NINL: variants seen among roughly 807,000 people sequenced by gnomAD.
The protein encoded by NINL is ninein like, also known as ninein-like protein.
Under a neutral mutation model 160.3 loss-of-function variants are expected in NINL, and 153 were observed. That is an observed-to-expected ratio of 0.95 (90% CI 0.84 to 1.09). NINL has a LOEUF of 1.09. Among genes scored for constraint, NINL ranks in the 50% least tolerant of loss-of-function variants. The probability of loss-of-function intolerance (pLI) is 0.00; values close to 1 mark genes in which losing one functional copy is unlikely to be tolerated. For synonymous variants in NINL, 800 were observed against 734.8 expected (o/e 1.09, Z -1.43); for missense variants, 1,829 against 1,764.0 (o/e 1.04, Z -0.66).
At chr20:25,499,415 G>A (rs1189985717) in intron 8 of NINL, among the ~76,000 whole-genome samples, 1 of 152,198 alleles carries the variant, frequency 6.6e-6, no homozygotes, top group Non-Finnish European at 1.5e-5. Context: ...AGCGCAAATG[G>A]GAAAGAGAAT....
chr20:25,520,180 C>T lies in NINL; in HGVS notation c.181-2331G>A, dbSNP rs541580982. 1.6e-4 allele frequency among the ~76,000 whole-genome samples: 25 copies of T among 152,082 alleles called. 1 individual carries two copies. The South Asian group carries it at 2.9e-3, about 18-fold the overall frequency. On this transcript the variant is annotated intron_variant, in intron 2 of 23. Transcript: ENST00000278886. Reference sequence around the variant, plus strand: ...TAAGGGTGTGATGGTTACACAGGTGCGCTCAGTTTGGAATATTCACTGACC... The same window carrying T: ...TAAGGGTGTGATGGTTACACAGGTGTGCTCAGTTTGGAATATTCACTGACC...
At chr20:25,520,532 G>C (rs1449593614) in intron 2 of NINL, among the ~76,000 whole-genome samples, 1 of 152,096 alleles carries the variant, frequency 6.6e-6, no homozygotes, top group African/African-American at 2.4e-5. Flanking sequence ...GCTCACTTTT[G>C]GCATATAGTA....
intron 9 of NINL, 135 bp downstream of exon 9, chr20:25,498,075 G>A: frequency 2.8e-6 from 3 of 1,083,776 alleles, no homozygotes; most frequent in East Asian, 2.4e-5. Flanking sequence ...GACAGACAGT[G>A]TGCAGAGCCC....
intron 1 of NINL, among the ~76,000 whole-genome samples, chr20:25,562,170 G>T (rs1808705426): frequency 6.9e-6 from 1 of 145,896 alleles, no homozygotes; most frequent in Admixed American, 6.8e-5. Flanking sequence ...CGGGAGGGAG[G>T]TGGGGGGTCA....
At chr20:25,505,322 G>A (rs2063941746) in intron 5 of NINL, among the ~76,000 whole-genome samples, 1 of 148,948 alleles carries the variant, frequency 6.7e-6, no homozygotes, top group Non-Finnish European at 1.5e-5. Flanking sequence ...CTGGGTGGTG[G>A]GGGAGATGCT....
chr20:25,491,315 C>A, intron 11 of NINL, 36 bp downstream of exon 11: 1 of 1,576,688 alleles, frequency 6.3e-7, no homozygotes, highest in Non-Finnish European at 8.6e-7. Flanking sequence ...CTCAGGCACC[C>A]CCCCAGCTTC....
intron 13 of NINL, among the ~76,000 whole-genome samples, chr20:25,483,344 A>AAAAG (rs1555852550): frequency 6.6e-6 from 1 of 152,194 alleles, no homozygotes; most frequent in East Asian, 1.9e-4. Flanking sequence ...ACAAAAAAAA[A>AAAAG]AAAAGAAAAG....
chr20:25,501,181 C>G (rs1024235844), intron 7 of NINL, among the ~76,000 whole-genome samples, 171 bp from the exon 8 acceptor site: 4 of 152,246 alleles, frequency 2.6e-5, no homozygotes, highest in Admixed American at 6.5e-5. Context: ...ATCACATGAC[C>G]TCTCCAAGGT....
At position 25,453,696 on chromosome 20, in the gene NINL, G is replaced by A. The variant is rs879095524; in HGVS notation, c.3958-54C>T. The A allele has an allele frequency of 5.4e-6, 8 of 1,481,374 alleles. No individual in the cohort carries two copies. The South Asian group carries it at 1.0e-4, about 19-fold the overall frequency. The allele number at this position is 1,481,374 out of a possible 1,614,324, so 91.8% of individuals were successfully genotyped here. The stretch of plus-strand genomic sequence containing the variant: ...ATGAGGCCGGTGGAGAAACGCTACA[G>A]ATCAGCCTGCTCTCTTTTATCCTCC... On this transcript the variant is annotated intron_variant, in intron 23 of 23. Transcript: ENST00000278886.
chr20:25,488,037 A>G (rs563038497), intron 13 of NINL, among the ~76,000 whole-genome samples: 1 of 152,302 alleles, frequency 6.6e-6, no homozygotes, highest in South Asian at 2.1e-4. Context: ...CTTGCATTTA[A>G]AATGTGCCAA....
intron 14 of NINL, among the ~76,000 whole-genome samples, chr20:25,481,426 G>C (rs539975159): frequency 6.6e-6 from 1 of 152,320 alleles, no homozygotes; most frequent in South Asian, 2.1e-4. Context: ...CTTCGATGTG[G>C]GTTCCGGGGA....
intron 1 of NINL, among the ~76,000 whole-genome samples, chr20:25,553,104 GTTTTTTT>G (rs3036846): frequency 1.0e-5 from 1 of 100,120 alleles, no homozygotes; most frequent in South Asian, 3.3e-4. Flanking sequence ...CCCTTGTTGG[GTTTTTTT>G]TTTTTTTTTT....
At chr20:25,483,041 A>C (rs2063428525) in intron 13 of NINL, among the ~76,000 whole-genome samples, 1 of 150,812 alleles carries the variant, frequency 6.6e-6, no homozygotes, top group East Asian at 1.9e-4. Flanking sequence ...AAAAAAATAA[A>C]TAAAGAAAAG....
chr20:25,505,124 T>C (rs766113562), intron 5 of NINL, 46 bp from the exon 6 acceptor site: 2 of 1,479,160 alleles, frequency 1.4e-6, no homozygotes, highest in African/African-American at 2.8e-5. Context: ...ACATACACAA[T>C]GGAGCACGAC....
intron 1 of NINL, among the ~76,000 whole-genome samples, chr20:25,553,592 C>T (rs2064830190): frequency 6.6e-6 from 1 of 152,206 alleles, no homozygotes; most frequent in African/African-American, 2.4e-5. Flanking sequence ...GCTAGGTTAG[C>T]ATGAACACGT....
chr20:25,479,210 A>G lies in NINL; in HGVS notation c.1918-4T>C, dbSNP rs761061367. 1 of 1,598,872 alleles carries G rather than the reference A, an allele frequency of 6.3e-7. No individual in the cohort carries two copies. Among genetic ancestry groups the G allele is most frequent in the South Asian group, 1.1e-5 (1 of 89,880 alleles). ...TTTCCCTTTCGTAGTAATTTACCTA[A>G]AACGAGAAACATGAGCCCCGTGGAC... On this transcript the variant is annotated splice_polypyrimidine_tract_variant and splice_region_variant and intron_variant, in intron 15 of 23. Coordinates refer to ENST00000278886, the MANE Select transcript of NINL (RefSeq NM_025176.6).
At chr20:25,499,036 T>C in intron 8 of NINL, 1 of 985,476 alleles carries the variant, frequency 1.0e-6, no homozygotes, top group South Asian at 4.7e-5. Context: ...TGCTTTCCAC[T>C]TGTGGCTACA....
intron 1 of NINL, among the ~76,000 whole-genome samples, chr20:25,543,491 G>C (rs895064159): frequency 5.3e-5 from 8 of 152,180 alleles, no homozygotes; most frequent in African/African-American, 1.9e-4. Flanking sequence ...CTGGAGGAGG[G>C]AACCTATGGC....
chr20:25,468,074 G>GA (rs926246655), intron 18 of NINL, among the ~76,000 whole-genome samples: 9 of 150,464 alleles, frequency 6.0e-5, no homozygotes, highest in East Asian at 2.0e-4. Flanking sequence ...GCATAATTGG[G>GA]AAAAAAAAAG....
Sources: gnomAD v4.1 joint callset for allele counts (sites outside exome capture counted in the v4.1 genomes callset) on GRCh38, gnomAD v4.1.1 for gene constraint, MANE v1.5 for transcripts, NCBI Gene and HGNC (gene_info 2026-07-23, HGNC 2026-07-21) for gene names.